RHOBTB2: variants seen among roughly 807,000 people sequenced by gnomAD.
RHOBTB2 encodes rho-related BTB domain-containing protein 2.
In RHOBTB2, 39 loss-of-function variants were observed where a neutral mutation model predicts 66.5. The ratio of observed to expected loss-of-function variants is 0.59; its 90% CI spans 0.45 to 0.77. The LOEUF is 0.77. RHOBTB2 is among the 30% of genes least tolerant of loss of function. The pLI is 0.00. For synonymous variants in RHOBTB2, 390 were observed against 395.0 expected (o/e 0.99, Z 0.15); for missense variants, 755 against 999.1 (o/e 0.76, Z 3.29).
At chr8:22,964,518 C>T in the RHOBTB2 span, among the ~76,000 whole-genome samples, 1 of 152,096 alleles carries the variant, frequency 6.6e-6, no homozygotes, top group African/African-American at 2.4e-5. Flanking sequence ...TAGGCATTTT[C>T]AGCACCTGCT....
chr8:22,979,287 C>A, the RHOBTB2 span, among the ~76,000 whole-genome samples: 1 of 152,122 alleles, frequency 6.6e-6, no homozygotes, highest in East Asian at 1.9e-4. Context: ...CTCTCAAACA[C>A]TCCAATCTAA....
chr8:23,013,888 A>C (rs1259014883), intron 7 of RHOBTB2, among the ~76,000 whole-genome samples: 7 of 152,204 alleles, frequency 4.6e-5, no homozygotes, highest in African/African-American at 1.4e-4. Flanking sequence ...CTGAAGCTCA[A>C]ATCCTGCACT....
chr8:23,003,317 A>T (rs1243034607), intron 1 of RHOBTB2, among the ~76,000 whole-genome samples: 3 of 152,252 alleles, frequency 2.0e-5, no homozygotes, highest in Non-Finnish European at 4.4e-5. Context: ...CTGTTTGTTC[A>T]TTCAAGCCAT....
At chr8:22,964,942 G>A in the RHOBTB2 span, among the ~76,000 whole-genome samples, 9 of 151,770 alleles carry the variant, frequency 5.9e-5, no homozygotes, top group Middle Eastern at 3.4e-3. Context: ...TCAGCTTCCC[G>A]AGTAGCTGGG....
chr8:23,009,783 G>T (rs1004621722), intron 6 of RHOBTB2, among the ~76,000 whole-genome samples: 2 of 152,136 alleles, frequency 1.3e-5, no homozygotes, highest in East Asian at 1.9e-4. Context: ...GTAGGATTTG[G>T]ATATACAAAA....
chr8:23,003,124 AGAC>A (rs773907643), intron 1 of RHOBTB2, among the ~76,000 whole-genome samples: 1 of 152,212 alleles, frequency 6.6e-6, no homozygotes, highest in Non-Finnish European at 1.5e-5. Flanking sequence ...AAGCCCCCCC[AGAC>A]GACTTTCATA....
Position 23,017,785 on chromosome 8 carries a change from T to C in RHOBTB2, c.*316T>C, listed in dbSNP as rs933283533. On this transcript the variant is annotated 3_prime_UTR_variant, in exon 10 of 10. Coordinates refer to ENST00000251822, the MANE Select transcript of RHOBTB2 (RefSeq NM_015178.3). This position sits in a 1 kb window ranked among gnomAD's most constrained non-coding sequence, Gnocchi z 5.3. ...GAGTCAAAGGGAAAGCCTCCCAGCC[T>C]CCAGGGCTTCTCTGTGTGTCTTGGT... 1.1e-4 allele frequency: 36 copies of C among 337,796 alleles called. 3 individuals carry two copies. In the Admixed American group the frequency reaches 1.1e-3, roughly 11 times the overall value. The allele number at this position is 337,796 out of a possible 1,614,324, so 20.9% of individuals were successfully genotyped here.
the RHOBTB2 span, among the ~76,000 whole-genome samples, chr8:22,956,376 C>G: frequency 8.4e-4 from 128 of 152,248 alleles, no homozygotes; most frequent in African/African-American, 2.7e-3. Context: ...GGACCAGTTT[C>G]TTATGAGAGG....
In RHOBTB2 at chr8:23,004,748, G is replaced by T; in HGVS notation, c.192+122G>T. 1.1e-6 allele frequency: 1 copy of T among 926,134 alleles called. No individual in the cohort carries two copies. The highest frequency in any genetic ancestry group is 1.6e-6 in the Non-Finnish European group (1 of 609,812). 57.4% of individuals were successfully genotyped at this position (926,134 alleles called of 1,614,324 possible). On this transcript the variant is annotated intron_variant, in intron 2 of 9. Transcript: ENST00000251822. This position sits in a 1 kb window ranked among gnomAD's most constrained non-coding sequence, Gnocchi z 6.4. ...GCCCTCTAGGGGTGGGACAGGATGG[G>T]TTGGGGGCAGCTGAAGAGGAAGGAG...
rs757703143 is a variant in RHOBTB2, at chr8:23,007,157, G to A, written c.912G>A (p.Glu304=). 2 of 1,606,278 alleles carry A rather than the reference G, an allele frequency of 1.2e-6. No individual in the cohort carries two copies. Among genetic ancestry groups the A allele is most frequent in the African/African-American group, 1.3e-5 (1 of 75,052 alleles). ...TCCTCATGGACCTGAGTGAGGGGGA[G>A]CTGGGGGGCCCCTCGGAGCCAGGGG... is the stretch of plus-strand genomic sequence containing the variant. ...DLFLMDLSEG[E]LGGPSEPGGT... is the part of the protein sequence containing the mutation. Residue 304 remains glutamate, a synonymous_variant, in exon 5 of 10, where the codon GAG becomes GAA. Transcript: ENST00000251822.
At chr8:22,994,826 C>T (rs768232755), upstream of RHOBTB2, among the ~76,000 whole-genome samples, 4 of 152,352 alleles carry the variant, frequency 2.6e-5, no homozygotes, top group Non-Finnish European at 5.9e-5. Context: ...AGTGCAATGG[C>T]GTGATCTCGG....
At chr8:22,971,688 C>T in the RHOBTB2 span, among the ~76,000 whole-genome samples, 1 of 152,190 alleles carries the variant, frequency 6.6e-6, no homozygotes, top group East Asian at 1.9e-4. Context: ...CCTTGAAATG[C>T]TCACCTCCTT....
chr8:23,004,390 C>T lies in RHOBTB2; in HGVS notation c.-10-35C>T. The T allele has an allele frequency of 6.3e-7, 1 of 1,588,052 alleles. No individual in the cohort carries two copies. The highest frequency in any genetic ancestry group is 1.7e-5 in the Admixed American group (1 of 59,956). ...CCTGGCCCACGGCGAGCTGGCATGCCATGCCGTCCTGACCGCCTCCCTCCT... is the reference window on the plus strand; with the variant it reads ...CCTGGCCCACGGCGAGCTGGCATGCTATGCCGTCCTGACCGCCTCCCTCCT... On this transcript the variant is annotated intron_variant, in intron 1 of 9. Coordinates refer to ENST00000251822, the MANE Select transcript of RHOBTB2 (RefSeq NM_015178.3). The surrounding 1 kb of genome is among the most constrained non-coding windows in gnomAD (Gnocchi z 6.4).
chr8:23,016,144 G>C (rs989291658), intron 9 of RHOBTB2, among the ~76,000 whole-genome samples: 4 of 152,154 alleles, frequency 2.6e-5, no homozygotes, highest in African/African-American at 9.7e-5. Flanking sequence ...CCACAGCTTG[G>C]ACCACCCAGG....
upstream of RHOBTB2, among the ~76,000 whole-genome samples, chr8:22,984,374 G>A (rs368192655): frequency 3.9e-5 from 6 of 152,328 alleles, no homozygotes; most frequent in African/African-American, 1.4e-4. Flanking sequence ...ACCAGGCAGT[G>A]TATTGATTGT....
chr8:22,983,355 AAAG>A (rs907160083), upstream of RHOBTB2, among the ~76,000 whole-genome samples: 74 of 152,018 alleles, frequency 4.9e-4, no homozygotes, highest in African/African-American at 1.4e-3. Context: ...AAAAAACAAA[AAAG>A]AAGAAGAAGA....
intron 7 of RHOBTB2, among the ~76,000 whole-genome samples, chr8:23,013,089 A>AC (rs34498545): frequency 6.6e-6 from 1 of 151,766 alleles, no homozygotes; most frequent in Non-Finnish European, 1.5e-5. Context: ...GTGAGCCACC[A>AC]CACCCGGCCT....
chr8:23,013,859 T>G (rs890005814), intron 7 of RHOBTB2, among the ~76,000 whole-genome samples: 5 of 152,220 alleles, frequency 3.3e-5, no homozygotes, highest in Admixed American at 1.3e-4. Flanking sequence ...TTGGTTTCAG[T>G]TAATTGCAGT....
intron 1 of RHOBTB2, among the ~76,000 whole-genome samples, chr8:22,991,232 G>A (rs539690772): frequency 3.9e-5 from 6 of 152,108 alleles, no homozygotes; most frequent in South Asian, 2.1e-4. Flanking sequence ...ACTTCTGGCC[G>A]GCTTTCCCTG....
Sources: gnomAD v4.1 joint callset for allele counts (sites outside exome capture counted in the v4.1 genomes callset) on GRCh38, gnomAD v4.1.1 for gene constraint, Gnocchi (gnomAD v3.1) non-coding constraint, MANE v1.5 for transcripts, NCBI Gene and HGNC (gene_info 2026-07-23, HGNC 2026-07-21) for gene names.